The following RTN2 variants were observed in gnomAD, a reference collection of about 807,000 sequenced individuals.
The protein encoded by RTN2 is reticulon-2.
RTN2 carries 36 observed loss-of-function variants against 63.7 expected under a neutral mutation model. The observed-to-expected ratio is 0.56, with a 90% confidence interval of 0.43 to 0.75. The LOEUF (loss-of-function observed/expected upper bound fraction) is 0.75. Among genes scored for constraint, RTN2 ranks in the 30% least tolerant of loss-of-function variants. The pLI is 0.00. For synonymous variants in RTN2, 312 were observed against 313.0 expected, an observed-to-expected ratio of 1.00 and a Z score of 0.03; for missense variants, 673 against 705.1, an observed-to-expected ratio of 0.95 and a Z score of 0.52.
At chr19:45,493,026 C>T (rs1469517964) in intron 5 of RTN2, 134 bp downstream of exon 5, 3 of 929,356 alleles carry the variant, frequency 3.2e-6, no homozygotes, top group Non-Finnish European at 5.2e-6. Flanking sequence ...TGCCCCTCGG[C>T]CCCCTAGCCC....
chr19:45,490,628 G>A (rs918209399), intron 5 of RTN2, among the ~76,000 whole-genome samples: 4 of 151,904 alleles, frequency 2.6e-5, no homozygotes, highest in African/African-American at 9.7e-5. Context: ...CTAGGCTGGA[G>A]TGCAATGGCA....
Position 45,488,982 on chromosome 19 carries a change from A to G in RTN2, c.1246T>C (p.Tyr416His). ...GTCAGGGTGAGGTCCACATCCAGGTAGGCCCTGCGGGGACAAAGGAGTGTG... is the reference window on the plus strand; with the variant it reads ...GTCAGGGTGAGGTCCACATCCAGGTGGGCCCTGCGGGGACAAAGGAGTGTG... ...RGDGANPFQA[Y>H]LDVDLTLTRE... Residue 416 changes from tyrosine (Y) to histidine (H), a missense_variant, in exon 7 of 11, where the codon TAC (tyrosine) becomes CAC (histidine). Physicochemically the swap from Tyr to His is moderately conservative, Grantham distance 83 (BLOSUM62 2). Coordinates refer to ENST00000245923, the MANE Select transcript of RTN2 (RefSeq NM_005619.5). 1 of 1,611,318 alleles carries G rather than the reference A, an allele frequency of 6.2e-7. No homozygotes were observed.
At position 45,494,828 on chromosome 19, in the gene RTN2, G is replaced by T. The variant is rs758002007; in HGVS notation, c.257C>A (p.Pro86His). 6.2e-7 allele frequency: 1 copy of T among 1,603,492 alleles called. No individual in the cohort carries two copies. Among genetic ancestry groups the T allele is most frequent in the Admixed American group, 1.7e-5 (1 of 60,004 alleles). Residue 86 changes from proline (P) to histidine (H), a missense_variant, in exon 3 of 11, where the codon CCC becomes CAC. Transcript: ENST00000245923. The surrounding 1 kb of genome is among the most constrained non-coding windows in gnomAD (Gnocchi z 5.3). ...CGAGACTGAGCGGCCCTGGGGGCGG[G>T]GGCGGCGGGCAGTTGAATCCCTGCG... Reference protein sequence around the residue: ...GGRRDSTARRPRPQGRSVSEP... With the variant: ...GGRRDSTARRHRPQGRSVSEP...
intron 1 of RTN2, 92 bp downstream of exon 1, chr19:45,496,700 G>T: frequency 1.2e-6 from 1 of 850,470 alleles, no homozygotes; most frequent in Non-Finnish European, 1.7e-6. Flanking sequence ...CCCCATCCCG[G>T]CTCTCCTGCG....
Position 45,485,494 on chromosome 19 carries a change from C to A in RTN2, c.*214G>T. Reference sequence around the variant, plus strand: ...AGCAGGCCCCGCGGCCAAGGTGCCTCGTCTTTCCTGGACTCCTGGAGCAGA... The same window carrying A: ...AGCAGGCCCCGCGGCCAAGGTGCCTAGTCTTTCCTGGACTCCTGGAGCAGA... On this transcript the variant is annotated 3_prime_UTR_variant, in exon 11 of 11. Transcript: ENST00000245923. 1 of 570,974 alleles carries A rather than the reference C, an allele frequency of 1.8e-6. No homozygotes were observed. The highest frequency in any genetic ancestry group is 3.1e-6 in the Non-Finnish European group (1 of 318,342). The allele number at this position is 570,974 out of a possible 1,614,324, so 35.4% of individuals were successfully genotyped here.
intron 5 of RTN2, among the ~76,000 whole-genome samples, chr19:45,491,592 C>T (rs578076813): frequency 2.0e-4 from 30 of 148,044 alleles, no homozygotes; most frequent in East Asian, 8.1e-4. Context: ...AGTGCAGTGG[C>T]GCGATCTCAG....
At chr19:45,495,568 G>A (rs1968253177) in intron 1 of RTN2, among the ~76,000 whole-genome samples, 1 of 152,236 alleles carries the variant, frequency 6.6e-6, no homozygotes, top group Admixed American at 6.5e-5. Context: ...GTAAAGAAGG[G>A]TAGGGGAAGA....
chr19:45,485,842 C>A (rs1353593676), intron 10 of RTN2, 53 bp from the exon 11 acceptor site: 31 of 1,387,238 alleles, frequency 2.2e-5, no homozygotes, highest in Non-Finnish European at 2.8e-5. Flanking sequence ...GCGGGGTGGG[C>A]ATCTGGGGAC....
At position 45,488,378 on chromosome 19, in the gene RTN2, G is replaced by C. The variant is rs1603; in HGVS notation, c.1497+93C>G. 300,096 of 1,361,936 alleles carry C rather than the reference G, an allele frequency of 0.22. 34,918 individuals carry two copies. The highest frequency in any genetic ancestry group is 0.29 in the East Asian group (12,673 of 43,442). 84.4% of individuals were successfully genotyped at this position (1,361,936 alleles called of 1,614,324 possible). On this transcript the variant is annotated intron_variant, in intron 9 of 10. Coordinates refer to ENST00000245923, the MANE Select transcript of RTN2 (RefSeq NM_005619.5). Reference sequence around the variant, plus strand: ...GCAGCCAGGACACCTGTGTCTGGCCGGGACATCTGTCAATGGGACCCCGGT... The same window carrying C: ...GCAGCCAGGACACCTGTGTCTGGCCCGGACATCTGTCAATGGGACCCCGGT...
At chr19:45,489,839 G>A (rs1599908728) in intron 5 of RTN2, among the ~76,000 whole-genome samples, 1 of 151,454 alleles carries the variant, frequency 6.6e-6, no homozygotes, top group South Asian at 2.1e-4. Context: ...CCACCACTCA[G>A]CTAATTTTTG....
At chr19:45,496,707 T>A (rs1968279002) in intron 1 of RTN2, 85 bp downstream of exon 1, 2 of 945,144 alleles carry the variant, frequency 2.1e-6, no homozygotes, top group Admixed American at 3.9e-5. Context: ...CCGGCTCTCC[T>A]GCGGGCAAGC....
intron 4 of RTN2, 34 bp from the exon 5 acceptor site, chr19:45,493,412 G>A: frequency 6.6e-7 from 1 of 1,522,314 alleles, no homozygotes; most frequent in Non-Finnish European, 9.1e-7. Flanking sequence ...GTAAGGCTGG[G>A]TCATTTTACA....
Position 45,489,346 on chromosome 19 carries a change from T to A in RTN2, c.1241A>T (p.Gln414Leu). 1.3e-6 allele frequency: 2 copies of A among 1,559,496 alleles called. No homozygotes were observed. Among genetic ancestry groups the A allele is most frequent in the Non-Finnish European group, 1.7e-6 (2 of 1,152,102 alleles). ...CAGGTCAGGGGCCGGGGGTTCTCAC[T>A]GGAAAGGGTTGGCTCCATCCCCCCG... is the stretch of plus-strand genomic sequence containing the variant. The part of the protein sequence containing the change: ...VHRGDGANPF[Q>L]AYLDVDLTLT... Residue 414 changes from glutamine (Q) to leucine (L), a missense_variant and splice_region_variant, in exon 6 of 11, where the codon CAG (glutamine) becomes CTG (leucine). Transcript: ENST00000245923.
rs749660821 is a variant in RTN2 at position 45,493,182 on chromosome 19, G to T, written c.1011C>A (p.Leu337=). Residue 337 remains leucine, a synonymous_variant, in exon 5 of 11, where the codon CTC becomes CTA. Coordinates refer to ENST00000245923, the MANE Select transcript of RTN2 (RefSeq NM_005619.5). ...PRSSGVPSLS[L]GADMGSKVAD... is the part of the protein sequence containing the mutation. ...CACCTTTACTCCCCATATCGGCTCC[G>T]AGTGAGAGGCTGGGGACACCGCTGC... 1 of 1,612,556 alleles carries T rather than the reference G, an allele frequency of 6.2e-7. No individual in the cohort carries two copies. The highest frequency in any genetic ancestry group is 1.1e-5 in the South Asian group (1 of 91,014).
rs986475919 is a variant in RTN2, at chr19:45,496,634, G to A, written c.34+158C>T. On this transcript the variant is annotated intron_variant, in intron 1 of 10. Coordinates refer to ENST00000245923, the MANE Select transcript of RTN2 (RefSeq NM_005619.5). ...AGGTCCTCCGGGTCAGGCTACCCCC[G>A]TCGCCGCCAGAGCGCGGGGGAGGGG... 184 of 437,608 alleles carry A rather than the reference G, an allele frequency of 4.2e-4. 2 individuals carry two copies. The Admixed American group carries it at 4.5e-3, about 11-fold the overall frequency. The allele number at this position is 437,608 out of a possible 1,614,324, so 27.1% of individuals were successfully genotyped here.
Position 45,496,850 on chromosome 19 carries a change from A to G in RTN2, c.-25T>C. 1 of 1,434,994 alleles carries G rather than the reference A, an allele frequency of 7.0e-7. No individual in the cohort carries two copies. The allele number at this position is 1,434,994 out of a possible 1,614,324, so 88.9% of individuals were successfully genotyped here. A position where few individuals can be genotyped will look rare whatever the true frequency, so the allele number is the denominator to read the frequency against. On this transcript the variant is annotated 5_prime_UTR_variant, in exon 1 of 11. Coordinates refer to ENST00000245923, the MANE Select transcript of RTN2 (RefSeq NM_005619.5). ...TGGCCCCCCTCGGGCCTGCATCGGG[A>G]CCCCCGCCCACTCCGGCTGTGCCGC...
intron 5 of RTN2, among the ~76,000 whole-genome samples, chr19:45,492,697 C>T (rs879808039): frequency 6.6e-6 from 1 of 152,228 alleles, no homozygotes; most frequent in Non-Finnish European, 1.5e-5. Flanking sequence ...CCCTCACTTC[C>T]GTCTCCTTCC....
chr19:45,492,859 AG>A (rs1203548505), intron 5 of RTN2, among the ~76,000 whole-genome samples: 2 of 151,524 alleles, frequency 1.3e-5, no homozygotes, highest in Non-Finnish European at 2.9e-5. Context: ...CGCTGGGGGG[AG>A]GGGGCCTCCC....
Position 45,488,841 on chromosome 19 carries a change from A to G in RTN2, c.1380+7T>C. 3.1e-6 allele frequency: 5 copies of G among 1,601,320 alleles called. No individual in the cohort carries two copies. Among genetic ancestry groups the G allele is most frequent in the Non-Finnish European group, 4.3e-6 (5 of 1,174,886 alleles). ...GAACCCAGGAGGGGCTGAGAGCTCC[A>G]GGCCACCTTGAGGGAATCCACGAGG... On this transcript the variant is annotated splice_region_variant and intron_variant, in intron 7 of 10. Transcript: ENST00000245923.
Sources: gnomAD v4.1 joint callset for allele counts (sites outside exome capture counted in the v4.1 genomes callset) on GRCh38, gnomAD v4.1.1 for gene constraint, Gnocchi (gnomAD v3.1) non-coding constraint, MANE v1.5 for transcripts, NCBI Gene and HGNC (gene_info 2026-07-23, HGNC 2026-07-21) for gene names.